Variants in LMBRD2 observed in about 807,000 individuals in gnomAD.
LMBRD2 encodes LMBR1 domain containing 2.
In LMBRD2, 55 loss-of-function variants were observed where a neutral mutation model predicts 94.4. The ratio of observed to expected loss-of-function variants is 0.58; its 90% confidence interval spans 0.47 to 0.73. The LOEUF (loss-of-function observed/expected upper bound fraction) is 0.73, where lower values mean the gene tolerates loss of function less well. LMBRD2 is among the 30% of genes least tolerant of loss of function. The pLI is 0.00. For missense variants in LMBRD2, 640 were observed against 831.9 expected (o/e 0.77, Z 2.84); for synonymous variants, 246 against 272.4 (o/e 0.90, Z 0.95).
Position 36,099,021 on chromosome 5 carries a change from G to A in LMBRD2, c.*5025C>T, listed in dbSNP as rs1267373492. The A allele has an allele frequency of 6.6e-6, 1 of 151,986 alleles. No homozygotes were observed. The highest frequency in any genetic ancestry group is 2.4e-5 in the African/African-American group (1 of 41,408). The allele number at this position is 151,986 out of a possible 1,614,324, so 9.4% of individuals were successfully genotyped here. A position where few individuals can be genotyped will look rare whatever the true frequency, so the allele number is the denominator to read the frequency against. On this transcript the variant is annotated 3_prime_UTR_variant, in exon 18 of 18. Coordinates refer to ENST00000296603, the MANE Select transcript of LMBRD2 (RefSeq NM_001007527.2). ...ACCTAATCAACTGAATTGGATAAAG[G>A]CAAAATAACAAGTATTTTATTAATG...
chr5:36,119,425 T>C (rs1581048594), intron 9 of LMBRD2, among the ~76,000 whole-genome samples: 1 of 152,202 alleles, frequency 6.6e-6, no homozygotes, highest in Non-Finnish European at 1.5e-5. Context: ...TTACCGTTAT[T>C]TAACACTTTG....
chr5:36,113,703 T>G (rs1375882363), intron 13 of LMBRD2, among the ~76,000 whole-genome samples: 3 of 152,134 alleles, frequency 2.0e-5, no homozygotes, highest in Admixed American at 2.0e-4. Flanking sequence ...ATGAACATTT[T>G]TAAGTATTTT....
At chr5:36,145,398 T>C (rs1181574926) in intron 1 of LMBRD2, among the ~76,000 whole-genome samples, 1 of 152,240 alleles carries the variant, frequency 6.6e-6, no homozygotes, top group Non-Finnish European at 1.5e-5. Flanking sequence ...TCAAATCTTA[T>C]GTTTTAAAAA....
chr5:36,123,330 G>C (rs1465510171), intron 7 of LMBRD2, among the ~76,000 whole-genome samples: 3 of 152,048 alleles, frequency 2.0e-5, no homozygotes, highest in Non-Finnish European at 4.4e-5. Context: ...CCAAGATGCT[G>C]AATTTTTGAA....
intron 17 of LMBRD2, among the ~76,000 whole-genome samples, chr5:36,104,353 G>A (rs1485144380): frequency 1.3e-5 from 2 of 151,976 alleles, no homozygotes; most frequent in African/African-American, 2.4e-5. Flanking sequence ...AAAGAAGGGG[G>A]CAGGGGATGT....
chr5:36,144,985 T>C (rs527908493), intron 1 of LMBRD2, among the ~76,000 whole-genome samples: 2 of 152,310 alleles, frequency 1.3e-5, no homozygotes, highest in South Asian at 4.1e-4. Flanking sequence ...TACCCTCTTA[T>C]CCTGCTATAT....
intron 4 of LMBRD2, among the ~76,000 whole-genome samples, chr5:36,139,245 T>C (rs267760): frequency 0.014 from 2,201 of 152,324 alleles, 55 homozygotes; most frequent in African/African-American, 0.05. Context: ...TGTGCACACA[T>C]GCTCAGGGCA....
intron 6 of LMBRD2, among the ~76,000 whole-genome samples, chr5:36,134,157 T>C (rs1744216840): frequency 6.6e-6 from 1 of 152,130 alleles, no homozygotes; most frequent in Non-Finnish European, 1.5e-5. Context: ...ACATTCATCA[T>C]GGGAATGTTG....
intron 6 of LMBRD2, among the ~76,000 whole-genome samples, chr5:36,130,635 T>C (rs1210523978): frequency 6.6e-6 from 1 of 151,572 alleles, no homozygotes; most frequent in Non-Finnish European, 1.5e-5. Context: ...AGACACAGAG[T>C]GGCTGAATTG....
chr5:36,128,666 A>C (rs1226740599), intron 6 of LMBRD2, among the ~76,000 whole-genome samples: 2 of 152,146 alleles, frequency 1.3e-5, no homozygotes, highest in African/African-American at 4.8e-5. Context: ...TGGAGACTGC[A>C]GTGAGCCAAA....
intron 1 of LMBRD2, among the ~76,000 whole-genome samples, chr5:36,145,436 G>A (rs925587309): frequency 6.6e-6 from 1 of 152,118 alleles, no homozygotes; most frequent in Non-Finnish European, 1.5e-5. Context: ...ATGTTGCCTG[G>A]GCTGGTCTCG....
intron 9 of LMBRD2, among the ~76,000 whole-genome samples, chr5:36,121,300 G>T (rs940531283): frequency 1.3e-5 from 2 of 152,110 alleles, no homozygotes; most frequent in African/African-American, 4.8e-5. Flanking sequence ...TAATTAGGAA[G>T]GATTTTTGTT....
rs1345617156 is a variant in LMBRD2 at position 36,138,296 on chromosome 5, A to G, written c.369-855T>C. On this transcript the variant is annotated intron_variant, in intron 4 of 17. Coordinates refer to ENST00000296603, the MANE Select transcript of LMBRD2 (RefSeq NM_001007527.2). ...CAATGAGCAAGTGGAGATATCAAAT[A>G]TAGAGAATTTATTTAAGAAGTTTGG... 2.0e-5 allele frequency among the ~76,000 whole-genome samples: 3 copies of G among 152,212 alleles called. No individual in the cohort carries two copies. The East Asian group carries it at 5.8e-4, about 29-fold the overall frequency.
Position 36,151,037 on chromosome 5 carries a change from G to C in LMBRD2, c.-58+519C>G, listed in dbSNP as rs1358172458. Among the ~76,000 whole-genome samples the C allele has an allele frequency of 3.3e-5, 5 of 152,090 alleles. No homozygotes were observed. Among genetic ancestry groups the C allele is most frequent in the Admixed American group, 2.6e-4 (4 of 15,272 alleles). On this transcript the variant is annotated intron_variant, in intron 1 of 17. Coordinates refer to ENST00000296603, the MANE Select transcript of LMBRD2 (RefSeq NM_001007527.2). This position sits in a 1 kb window ranked among gnomAD's most constrained non-coding sequence, Gnocchi z 4.7. ...CTTCCCTCTTCCACTGTTTTCCCGGGGTCACAGTTGTAGTATAGTTTGCCC... is the reference window on the plus strand; with the variant it reads ...CTTCCCTCTTCCACTGTTTTCCCGGCGTCACAGTTGTAGTATAGTTTGCCC...
chr5:36,103,826 G>T lies in LMBRD2; in HGVS notation c.*220C>A. The T allele has an allele frequency of 2.9e-6, 1 of 350,660 alleles. No homozygotes were observed. The highest frequency in any genetic ancestry group is 5.3e-6 in the Non-Finnish European group (1 of 189,734). 21.7% of individuals were successfully genotyped at this position (350,660 alleles called of 1,614,324 possible). On this transcript the variant is annotated 3_prime_UTR_variant, in exon 18 of 18. Transcript: ENST00000296603. The stretch of plus-strand genomic sequence containing the variant: ...CTGTAACTGTATTTCTAAGGCAGAT[G>T]CTTAGGAAATGATATGTAATAAATC...
intron 1 of LMBRD2, among the ~76,000 whole-genome samples, chr5:36,148,490 A>T (rs1197473372): frequency 2.0e-5 from 3 of 152,258 alleles, no homozygotes; most frequent in Non-Finnish European, 4.4e-5. Flanking sequence ...AGACATTTTG[A>T]TAGAGAATAA....
chr5:36,141,998 T>C (rs1744421183), intron 3 of LMBRD2, among the ~76,000 whole-genome samples: 1 of 152,214 alleles, frequency 6.6e-6, no homozygotes, highest in African/African-American at 2.4e-5. Flanking sequence ...AGCTTTTTAC[T>C]TAAAAGTTCG....
rs369578841 is a variant in LMBRD2 at position 36,115,944 on chromosome 5, C to T, written c.1436+516G>A. 2.9e-3 allele frequency among the ~76,000 whole-genome samples: 448 copies of T among 152,284 alleles called. 20 individuals are homozygous for T. In the South Asian group the frequency reaches 0.082, roughly 28 times the overall value. On this transcript the variant is annotated intron_variant, in intron 11 of 17. Transcript: ENST00000296603. ...TGCTTAAAAATACTTTGGATGTCAA[C>T]TCCTCTATAAAATTATCTAAGTTCA...
chr5:36,123,411 T>C (rs577722420), intron 7 of LMBRD2, among the ~76,000 whole-genome samples: 9 of 152,266 alleles, frequency 5.9e-5, no homozygotes, highest in African/African-American at 2.2e-4. Flanking sequence ...TTATTACCTA[T>C]ATGAACTTGG....
Sources: allele counts gnomAD v4.1 joint callset (sites outside exome capture counted in the v4.1 genomes callset), GRCh38; gene constraint gnomAD v4.1.1; non-coding constraint Gnocchi (gnomAD v3.1); transcripts MANE v1.5; gene names NCBI Gene and HGNC (gene_info 2026-07-23, HGNC 2026-07-21).